Variants in LUZP4 observed in about 807,000 individuals in gnomAD.
LUZP4 encodes the protein leucine zipper protein 4.
In LUZP4, 11 loss-of-function variants were observed where a neutral mutation model predicts 8.5. That is an observed-to-expected ratio of 1.30 (90% CI 0.82 to 2.14). The LOEUF (loss-of-function observed/expected upper bound fraction) is 2.14, where lower values mean the gene tolerates loss of function less well. Among genes scored for constraint, LUZP4 ranks in the 30% most tolerant of loss-of-function variants. LUZP4 has a pLI of 0.00. For missense variants in LUZP4, 276 were observed against 229.7 expected (o/e 1.20, Z -1.30); for synonymous variants, 104 against 79.4 (o/e 1.31, Z -1.65).
chrX:115,294,031 G>A (rs975531272), intron 1 of LUZP4, among the ~76,000 whole-genome samples: 4 of 111,655 alleles, frequency 3.6e-5, no homozygotes, highest in African/African-American at 1.3e-4. Context: ...AGTTTTGGGG[G>A]ACCTCCTTGA....
At chrX:115,290,191 T>C (rs201699002) in intron 1 of LUZP4, among the ~76,000 whole-genome samples, 13 of 111,673 alleles carry the variant, frequency 1.2e-4, no homozygotes, top group Non-Finnish European at 1.9e-4. Flanking sequence ...CTCCTAAGAA[T>C]TGATACCTAA....
Position 115,306,318 on chromosome X carries a change from A to G in LUZP4, c.456A>G (p.Gln152=), listed in dbSNP as rs2232734. Residue 152 remains glutamine, a synonymous_variant, in exon 4 of 4, where the codon CAA becomes CAG. Coordinates refer to ENST00000371920, the MANE Select transcript of LUZP4 (RefSeq NM_016383.5). ...NPDKSEESQG[Q]PEENHHSERS... ...ACAAATCAGAAGAATCCCAGGGCCA[A>G]CCAGAAGAAAATCATCATTCTGAGC... 1.8e-3 allele frequency: 2,190 copies of G among 1,209,516 alleles called. 26 individuals are homozygous for G. The African/African-American group carries it at 0.033, about 18-fold the overall frequency.
At chrX:115,305,257 A>G (rs1556603311) in intron 3 of LUZP4, among the ~76,000 whole-genome samples, 1 of 112,129 alleles carries the variant, frequency 8.9e-6, no homozygotes, top group East Asian at 2.8e-4. Flanking sequence ...ATTTCACCCA[A>G]TCTCCTTATT....
intron 3 of LUZP4, among the ~76,000 whole-genome samples, chrX:115,305,222 TAGAAAAG>T (rs1232531976): frequency 8.9e-6 from 1 of 112,263 alleles, no homozygotes; most frequent in Non-Finnish European, 1.9e-5. Flanking sequence ...ACCAATCACT[TAGAAAAG>T]AGAAAAGGTA....
Position 115,306,494 on chromosome X carries a change from C to A in LUZP4, c.632C>A (p.Ser211Tyr). ...AGATCTCATGGCCACTCAGAGAGAT[C>A]TCATGGTCACTCAGAGAGATCTCAT... ...SERSHGHSER[S>Y]HGHSERSHGH... is the part of the protein sequence containing the mutation. The change falls in exon 4 of 4, where the codon TCT becomes TAT. Residue 211 changes from serine (S) to tyrosine (Y), a missense_variant. By Grantham distance (144) the Ser-to-Tyr change is moderately radical. Coordinates refer to ENST00000371920, the MANE Select transcript of LUZP4 (RefSeq NM_016383.5). 1 of 1,207,593 alleles carries A rather than the reference C, an allele frequency of 8.3e-7. No homozygotes were observed. The highest frequency in any genetic ancestry group is 1.1e-6 in the Non-Finnish European group (1 of 893,176).
At chrX:115,302,849 A>G (rs1242998876) in intron 2 of LUZP4, among the ~76,000 whole-genome samples, 3 of 112,536 alleles carry the variant, frequency 2.7e-5, no homozygotes, top group Non-Finnish European at 5.6e-5. Flanking sequence ...GTGCCTAACC[A>G]GTCATCACAA....
chrX:115,302,053 A>G lies in LUZP4; in HGVS notation c.153A>G (p.Arg51=). 1 of 1,190,918 alleles carries G rather than the reference A, an allele frequency of 8.4e-7. No homozygotes were observed. The highest frequency in any genetic ancestry group is 1.7e-5 in the African/African-American group (1 of 57,275). Residue 51 remains arginine (R), a synonymous_variant, in exon 2 of 4, where the codon AGA becomes AGG. Transcript: ENST00000371920. ...GTNAEEEKNK[R]QNHSKKESPS... ...ATGCTGAAGAAGAAAAGAATAAAAGACAGAACCATAGTAAAAAGGAATCGC... is the reference window on the plus strand; with the variant it reads ...ATGCTGAAGAAGAAAAGAATAAAAGGCAGAACCATAGTAAAAAGGAATCGC...
chrX:115,291,877 G>A (rs782232309), intron 1 of LUZP4, among the ~76,000 whole-genome samples: 5 of 109,867 alleles, frequency 4.6e-5, no homozygotes, highest in Non-Finnish European at 9.5e-5. Context: ...AGTTGAGATC[G>A]CCCCACTGCA....
chrX:115,296,451 A>G (rs1556598952), intron 1 of LUZP4, among the ~76,000 whole-genome samples: 1 of 111,693 alleles, frequency 9.0e-6, no homozygotes, highest in Non-Finnish European at 1.9e-5. Flanking sequence ...GAATATCATT[A>G]CAGAGAGCAG....
chrX:115,298,367 C>T (rs1473237143), intron 1 of LUZP4, among the ~76,000 whole-genome samples: 2 of 112,672 alleles, frequency 1.8e-5, no homozygotes, highest in Middle Eastern at 4.6e-3. Flanking sequence ...ACTCCCAACC[C>T]CTTTGAATAA....
chrX:115,302,097 A>AC lies in LUZP4; in HGVS notation c.197_198insC (p.Lys66AsnfsTer4). On this transcript the variant is annotated frameshift_variant, in exon 2 of 4. Transcript: ENST00000371920. LOFTEE classifies it high-confidence loss of function. ...GAATCGCCTTCAAGACAGCAATCAA[A>AC]AGCTCATAGACATCGCCATCGGAGA... 8.4e-7 allele frequency: 1 copy of AC among 1,196,193 alleles called. No homozygotes were observed. The highest frequency in any genetic ancestry group is 1.8e-5 in the African/African-American group (1 of 57,085).
chrX:115,298,708 T>C (rs1203142869), intron 1 of LUZP4, among the ~76,000 whole-genome samples: 1 of 111,827 alleles, frequency 8.9e-6, no homozygotes. Flanking sequence ...CTTCTGTCTT[T>C]GCTTGAATTT....
At position 115,304,722 on chromosome X, in the gene LUZP4, C is replaced by T. The variant is rs1344946135; in HGVS notation, c.342+1304C>T. ...GTAGAGATGAGGTCTCGCTATGTTG[C>T]CCAGGGTGGGAAAGTATCCTTCTAT... On this transcript the variant is annotated intron_variant, in intron 3 of 3. Transcript: ENST00000371920. Among the ~76,000 whole-genome samples the T allele has an allele frequency of 7.7e-4, 84 of 108,475 alleles. 1 individual carries two copies. In the Admixed American group the frequency reaches 8.4e-3, roughly 11 times the overall value. 94.2% of individuals were successfully genotyped at this position (108,475 alleles called of 115,157 possible).
intron 2 of LUZP4, among the ~76,000 whole-genome samples, chrX:115,303,095 C>T (rs2073404977): frequency 9.0e-6 from 1 of 110,985 alleles, no homozygotes. Flanking sequence ...AGAAGACTAC[C>T]CTATTAAGGT....
chrX:115,306,459 T>C lies in LUZP4; in HGVS notation c.597T>C (p.Gly199=), dbSNP rs1400832509. 1 of 1,210,185 alleles carries C rather than the reference T, an allele frequency of 8.3e-7. No homozygotes were observed. Residue 199 remains glycine (G), a synonymous_variant, in exon 4 of 4, where the codon GGT becomes GGC. Coordinates refer to ENST00000371920, the MANE Select transcript of LUZP4 (RefSeq NM_016383.5). ...RSHGQYKRSH[G]QSERSHGHSE... ...ATGGCCAATACAAGAGATCTCATGG[T>C]CAATCTGAGAGATCTCATGGCCACT...
chrX:115,299,533 C>T (rs2073386302), intron 1 of LUZP4, among the ~76,000 whole-genome samples: 1 of 111,021 alleles, frequency 9.0e-6, no homozygotes, highest in African/African-American at 3.3e-5. Flanking sequence ...CTCTTCCCTT[C>T]CCTTTCCAAA....
intron 1 of LUZP4, among the ~76,000 whole-genome samples, 196 bp downstream of exon 1, chrX:115,290,046 C>T (rs907828127): frequency 9.0e-6 from 1 of 110,887 alleles, no homozygotes; most frequent in African/African-American, 3.3e-5. Context: ...CCCTCCTCTC[C>T]TCTTTTTCTC....
At chrX:115,291,158 C>T (rs1380063214) in intron 1 of LUZP4, among the ~76,000 whole-genome samples, 5 of 110,361 alleles carry the variant, frequency 4.5e-5, no homozygotes, top group African/African-American at 6.6e-5. Flanking sequence ...TGTAGTGGCA[C>T]GATCACGGCT....
Position 115,306,358 on chromosome X carries a change from T to G in LUZP4, c.496T>G (p.Leu166Val). The G allele has an allele frequency of 1.7e-6, 2 of 1,211,041 alleles. No homozygotes were observed. The highest frequency in any genetic ancestry group is 2.2e-6 in the Non-Finnish European group (2 of 895,297). Residue 166 changes from leucine to valine, a missense_variant, in exon 4 of 4, where the codon TTA becomes GTA. Physicochemically the swap from Leu to Val is conservative, Grantham distance 32 (BLOSUM62 1). Coordinates refer to ENST00000371920, the MANE Select transcript of LUZP4 (RefSeq NM_016383.5). ...TCATTCTGAGCGATCCCGAAACCAC[T>G]TAGAGAGATCTCTTTCTCAGTCAGA... ...NHHSERSRNH[L>V]ERSLSQSDRS... is the part of the protein sequence containing the mutation.
Sources: allele counts gnomAD v4.1 joint callset (sites outside exome capture counted in the v4.1 genomes callset), GRCh38; gene constraint gnomAD v4.1.1; transcripts MANE v1.5; gene names NCBI Gene and HGNC (gene_info 2026-07-23, HGNC 2026-07-21).